SVEP1: variants seen among roughly 807,000 people sequenced by gnomAD.
The protein encoded by SVEP1 is sushi, von Willebrand factor type A, EGF and pentraxin domain containing 1, also known as sushi, von Willebrand factor type A, EGF and pentraxin domain-containing protein 1.
In SVEP1, 164 loss-of-function variants were observed where a neutral mutation model predicts 367.3. That is an observed-to-expected ratio of 0.45 (90% CI 0.39 to 0.51). The LOEUF is 0.51. Ranked by LOEUF, SVEP1 falls within the 20% of genes least tolerant of loss-of-function variation. SVEP1 has a pLI of 0.00. For missense variants in SVEP1, 4,117 were observed against 4,425.3 expected, an observed-to-expected ratio of 0.93 and a Z score of 1.98; for synonymous variants, 1,666 against 1,611.6, an observed-to-expected ratio of 1.03 and a Z score of -0.81.
At chr9:110,534,420 A>G (rs1830056311) in intron 3 of SVEP1, among the ~76,000 whole-genome samples, 1 of 152,010 alleles carries the variant, frequency 6.6e-6, no homozygotes, top group African/African-American at 2.4e-5. Context: ...TCTTTATCCA[A>G]TGTCATTGAT....
At chr9:110,574,743 CTTTTTTTTTT>C (rs1163833465) in intron 1 of SVEP1, among the ~76,000 whole-genome samples, 14 of 84,788 alleles carry the variant, frequency 1.7e-4, no homozygotes, top group Non-Finnish European at 2.6e-4. Context: ...AGTCGACCTT[CTTTTTTTTTT>C]TTTTTTTTTT....
At chr9:110,546,954 A>G (rs934534678) in intron 2 of SVEP1, among the ~76,000 whole-genome samples, 17 of 152,230 alleles carry the variant, frequency 1.1e-4, no homozygotes, top group African/African-American at 4.1e-4. Context: ...TCACACAAAC[A>G]GTAAGTCCTT....
At chr9:110,449,847 C>T (rs1398205715) in intron 24 of SVEP1, among the ~76,000 whole-genome samples, 1 of 152,064 alleles carries the variant, frequency 6.6e-6, no homozygotes, top group Non-Finnish European at 1.5e-5. Flanking sequence ...GAAACTTAAG[C>T]CATAACAGGT....
intron 1 of SVEP1, among the ~76,000 whole-genome samples, chr9:110,558,457 T>C (rs932544846): frequency 1.5e-5 from 2 of 136,596 alleles, no homozygotes; most frequent in Non-Finnish European, 3.0e-5. Context: ...AATGTTGCAG[T>C]AAGTCATGAT....
chr9:110,503,302 G>A, intron 5 of SVEP1, 85 bp from the exon 6 acceptor site: 1 of 1,344,752 alleles, frequency 7.4e-7, no homozygotes, highest in Non-Finnish European at 1.0e-6. Flanking sequence ...CCTGCACATT[G>A]CAAGCAAGAC....
At chr9:110,478,835 C>T (rs1829140929) in intron 13 of SVEP1, among the ~76,000 whole-genome samples, 1 of 151,998 alleles carries the variant, frequency 6.6e-6, no homozygotes, top group African/African-American at 2.4e-5. Context: ...ACCGAGTCTG[C>T]AGGGCATACA....
intron 1 of SVEP1, among the ~76,000 whole-genome samples, chr9:110,555,621 TTCTTC>T (rs1386613248): frequency 2.0e-5 from 3 of 152,228 alleles, no homozygotes; most frequent in Non-Finnish European, 4.4e-5. Context: ...GATTCTATTT[TTCTTC>T]TCTTTTTACA....
intron 23 of SVEP1, among the ~76,000 whole-genome samples, chr9:110,450,476 T>TTTG (rs1564146393): frequency 2.0e-5 from 3 of 146,836 alleles, no homozygotes; most frequent in African/African-American, 7.6e-5. Context: ...TGTTTTTTTT[T>TTTG]TTTTTTTTTT....
At chr9:110,414,755 C>A (rs538276960) in intron 36 of SVEP1, among the ~76,000 whole-genome samples, 2 of 151,894 alleles carry the variant, frequency 1.3e-5, no homozygotes, top group Non-Finnish European at 2.9e-5. Context: ...GCTCTTCTGT[C>A]TTAGCAAAAA....
Position 110,387,328 on chromosome 9 carries a change from G to A in SVEP1, c.10017C>T (p.Cys3339=), listed in dbSNP as rs142463374. 137 of 1,612,028 alleles carry A rather than the reference G, an allele frequency of 8.5e-5. No homozygotes were observed. The highest frequency in any genetic ancestry group is 6.5e-5 in the Non-Finnish European group (77 of 1,179,448). Residue 3339 remains cysteine, a synonymous_variant, in exon 42 of 48, where the codon TGC becomes TGT. Coordinates refer to ENST00000374469, the MANE Select transcript of SVEP1 (RefSeq NM_153366.4). ...YSLEGPSEAH[C]TENGTWSHPV... ...GGTGGCTCCAGGTTCCATTTTCTGT[G>A]CAGTGTGCCTCAGATGGCCCTTCAA...
intron 7 of SVEP1, among the ~76,000 whole-genome samples, chr9:110,497,410 A>G (rs1300683701): frequency 6.6e-6 from 1 of 152,218 alleles, no homozygotes; most frequent in Non-Finnish European, 1.5e-5. Flanking sequence ...TTTCCCAACC[A>G]TAAAACTCAA....
In SVEP1 at chr9:110,387,361, GC is replaced by G; in HGVS notation, c.9983del (p.Gly3328AlafsTer35). 6.2e-7 allele frequency: 1 copy of G among 1,613,710 alleles called. No homozygotes were observed. The highest frequency in any genetic ancestry group is 8.5e-7 in the Non-Finnish European group (1 of 1,179,812). On this transcript the variant is annotated frameshift_variant, in exon 42 of 48. Coordinates refer to ENST00000374469, the MANE Select transcript of SVEP1 (RefSeq NM_153366.4). LOFTEE classifies it high-confidence loss of function. ...GPNVVYSCNR[G>X]YSLEGPSEAH... ...CCTCAGATGGCCCTTCAAGACTGTA[GC>G]CTCTGTTGCAGGAATATACCACGTT...
At chr9:110,392,158 T>C (rs1236470253) in intron 40 of SVEP1, among the ~76,000 whole-genome samples, 1 of 148,534 alleles carries the variant, frequency 6.7e-6, no homozygotes, top group African/African-American at 2.5e-5. Context: ...TATATATCTC[T>C]TCTCTCTCTC....
At position 110,406,430 on chromosome 9, in the gene SVEP1, G is replaced by C; in HGVS notation, c.9170C>G (p.Pro3057Arg). Residue 3057 changes from proline to arginine, a missense_variant, in exon 38 of 48, where the codon CCC becomes CGC. Pro to Arg is a moderately radical substitution (Grantham distance 103, BLOSUM62 -2). Around this residue, in one of 4 missense-constraint regions of SVEP1, gnomAD observed 1,765 missense variants for 1,781.1 expected, o/e 0.99. Coordinates refer to ENST00000374469, the MANE Select transcript of SVEP1 (RefSeq NM_153366.4). ...EADGQWSSGFPHCEHTSCGSL... is the reference protein window; with the variant it reads ...EADGQWSSGFRHCEHTSCGSL... ...ACCACAAGAAGTGTGTTCACAGTGGGGGAACCCAGAGCTCCACTGGCCATC... is the reference window on the plus strand; with the variant it reads ...ACCACAAGAAGTGTGTTCACAGTGGCGGAACCCAGAGCTCCACTGGCCATC... The C allele has an allele frequency of 3.1e-6, 5 of 1,614,032 alleles. No homozygotes were observed. The highest frequency in any genetic ancestry group is 1.7e-6 in the Non-Finnish European group (2 of 1,179,900).
intron 26 of SVEP1, among the ~76,000 whole-genome samples, chr9:110,445,211 G>A (rs926595523): frequency 6.6e-6 from 1 of 152,212 alleles, no homozygotes; most frequent in Admixed American, 6.5e-5. Context: ...AATGTGGACA[G>A]TTGGCCAACG....
At chr9:110,566,286 C>T (rs1444162659) in intron 1 of SVEP1, among the ~76,000 whole-genome samples, 2 of 151,218 alleles carry the variant, frequency 1.3e-5, no homozygotes, top group Non-Finnish European at 2.9e-5. Context: ...AGTGCCACTG[C>T]ATGCCAGCCT....
intron 10 of SVEP1, 123 bp downstream of exon 10, chr9:110,483,463 T>C (rs1452915537): frequency 3.9e-6 from 2 of 511,618 alleles, no homozygotes; most frequent in East Asian, 6.6e-5. Flanking sequence ...TTAACTTATA[T>C]AATTATTCAT....
chr9:110,424,357 A>AT (rs11422071), intron 36 of SVEP1, among the ~76,000 whole-genome samples: 1 of 151,976 alleles, frequency 6.6e-6, no homozygotes, highest in Non-Finnish European at 1.5e-5. Context: ...ATGTAAAAAA[A>AT]ATAAGGTTAA....
intron 40 of SVEP1, among the ~76,000 whole-genome samples, chr9:110,392,212 G>A (rs1478412159): frequency 6.7e-6 from 1 of 149,284 alleles, no homozygotes; most frequent in African/African-American, 2.5e-5. Flanking sequence ...CTAATGCAAT[G>A]TCTCTTATAT....
Sources: gnomAD v4.1 joint callset for allele counts (sites outside exome capture counted in the v4.1 genomes callset) on GRCh38, gnomAD v4.1.1 for gene constraint, gnomAD v4.1.1 regional missense constraint, MANE v1.5 for transcripts, NCBI Gene and HGNC (gene_info 2026-07-23, HGNC 2026-07-21) for gene names.